The following AFG1L variants were observed in gnomAD, a reference collection of about 807,000 sequenced individuals.
AFG1L encodes AFG1 like ATPase.
A neutral mutation model predicts 62.2 loss-of-function variants in AFG1L; 53 were observed. The ratio of observed to expected loss-of-function variants is 0.85; its 90% CI spans 0.68 to 1.07. The LOEUF (loss-of-function observed/expected upper bound fraction) is 1.07. Among genes scored for constraint, AFG1L ranks in the 50% least tolerant of loss-of-function variants. The pLI, the probability that AFG1L is intolerant of heterozygous loss-of-function variation, is 0.00. For missense variants in AFG1L, 555 were observed against 590.5 expected, an observed-to-expected ratio of 0.94 and a Z score of 0.62; for synonymous variants, 228 against 210.3, an observed-to-expected ratio of 1.08 and a Z score of -0.73.
chr6:108,515,304 A>C (rs1306580605), intron 11 of AFG1L, among the ~76,000 whole-genome samples: 1 of 152,246 alleles, frequency 6.6e-6, no homozygotes, highest in Non-Finnish European at 1.5e-5. Flanking sequence ...ACTGTCTCTC[A>C]GACCACAGTG....
chr6:108,414,670 C>A (rs563129942), intron 7 of AFG1L, among the ~76,000 whole-genome samples: 1 of 152,260 alleles, frequency 6.6e-6, no homozygotes, highest in South Asian at 2.1e-4. Context: ...AAGACAAAAA[C>A]CACATGATTA....
chr6:108,519,101 C>T (rs754266891), intron 11 of AFG1L, among the ~76,000 whole-genome samples: 12 of 152,100 alleles, frequency 7.9e-5, no homozygotes, highest in Non-Finnish European at 8.8e-5. Context: ...ATCAAGGAGC[C>T]AGCAGGTTTG....
chr6:108,506,443 A>C (rs984200180), intron 10 of AFG1L, among the ~76,000 whole-genome samples: 3 of 152,106 alleles, frequency 2.0e-5, no homozygotes, highest in Admixed American at 6.5e-5. Flanking sequence ...TCCTGAGCTC[A>C]AGTGATCCAC....
chr6:108,436,165 A>G (rs895192006), intron 7 of AFG1L, among the ~76,000 whole-genome samples: 3 of 151,918 alleles, frequency 2.0e-5, no homozygotes, highest in African/African-American at 7.2e-5. Context: ...GTTTTTTTTT[A>G]GACAGAGTCT....
chr6:108,349,077 CTTTG>C (rs1365733046), intron 3 of AFG1L, among the ~76,000 whole-genome samples: 2 of 152,106 alleles, frequency 1.3e-5, no homozygotes, highest in Non-Finnish European at 2.9e-5. Context: ...AGGTGGCAAC[CTTTG>C]TTTGGAAACA....
At chr6:108,423,486 A>G (rs953027076) in intron 7 of AFG1L, among the ~76,000 whole-genome samples, 6 of 152,086 alleles carry the variant, frequency 3.9e-5, no homozygotes, top group African/African-American at 1.4e-4. Context: ...TAGGGCTTCA[A>G]GATATCTAAG....
chr6:108,514,840 T>A (rs1232510571), intron 11 of AFG1L, among the ~76,000 whole-genome samples: 1 of 151,996 alleles, frequency 6.6e-6, no homozygotes, highest in Non-Finnish European at 1.5e-5. Context: ...AAGGCAGGGG[T>A]TGCAATCCTA....
At position 108,476,921 on chromosome 6, in the gene AFG1L, A is replaced by G. The variant is rs775216608; in HGVS notation, c.947A>G (p.Gln316Arg). The change falls in exon 9 of 13, where the codon CAG (glutamine) becomes CGG (arginine). Residue 316 changes from glutamine to arginine, a missense_variant. By Grantham distance (43) the Gln-to-Arg change is conservative (BLOSUM62 1). Coordinates refer to ENST00000368977, the MANE Select transcript of AFG1L (RefSeq NM_145315.5). ...VMDKLFDELA[Q>R]KQNDLTRPRI... ...GATAAGTTGTTTGATGAGCTGGCTC[A>G]GAAACAAAATGATTGTACGTAAGTT... is the stretch of plus-strand genomic sequence containing the variant. 5.6e-6 allele frequency: 9 copies of G among 1,613,682 alleles called. 1 individual carries two copies. Among genetic ancestry groups the G allele is most frequent in the Middle Eastern group, 1.6e-4 (1 of 6,082 alleles).
intron 7 of AFG1L, among the ~76,000 whole-genome samples, chr6:108,430,565 C>T (rs151235644): frequency 9.2e-5 from 14 of 152,260 alleles, no homozygotes; most frequent in African/African-American, 3.1e-4. Flanking sequence ...TAACTCTAGA[C>T]AGATAGAGAT....
rs137861984 is a variant in AFG1L at position 108,318,651 on chromosome 6, G to A, written c.140-5174G>A. On this transcript the variant is annotated intron_variant, in intron 1 of 12. Coordinates refer to ENST00000368977, the MANE Select transcript of AFG1L (RefSeq NM_145315.5). ...TTTAGAAAGTGGGCTGTGGAGTATA[G>A]TAGGATCTTCCTGAAACTTAGTTTA... Among the ~76,000 whole-genome samples, 478 of 152,334 alleles carry A rather than the reference G, an allele frequency of 3.1e-3. 1 individual carries two copies. The highest frequency in any genetic ancestry group is 0.011 in the African/African-American group (470 of 41,580).
chr6:108,474,500 A>G (rs1480306435), intron 8 of AFG1L, among the ~76,000 whole-genome samples: 1 of 152,220 alleles, frequency 6.6e-6, no homozygotes, highest in Non-Finnish European at 1.5e-5. Context: ...CATTCCCACC[A>G]ACAATGTAAA....
rs892567187 is a variant in AFG1L, at chr6:108,523,256, A to G, written c.*831A>G. 1 of 152,280 alleles carries G rather than the reference A, an allele frequency of 6.6e-6. No individual in the cohort carries two copies. Among genetic ancestry groups the G allele is most frequent in the Non-Finnish European group, 1.5e-5 (1 of 68,120 alleles). 9.4% of individuals were successfully genotyped at this position (152,280 alleles called of 1,614,324 possible). A position where few individuals can be genotyped will look rare whatever the true frequency, so the allele number is the denominator to read the frequency against. On this transcript the variant is annotated 3_prime_UTR_variant, in exon 13 of 13. Coordinates refer to ENST00000368977, the MANE Select transcript of AFG1L (RefSeq NM_145315.5). ...CATGAGGCCAGCCGTACCCCAGTGG[A>G]CAGCAGGCTCCTTCTCACTGTTGTA...
intron 2 of AFG1L, among the ~76,000 whole-genome samples, chr6:108,327,963 T>C (rs1778119950): frequency 6.6e-6 from 1 of 152,334 alleles, no homozygotes; most frequent in Non-Finnish European, 1.5e-5. Context: ...TGGCAGTTGC[T>C]CTCAGAAGTG....
At chr6:108,326,643 A>G (rs1778055122) in intron 2 of AFG1L, among the ~76,000 whole-genome samples, 1 of 152,148 alleles carries the variant, frequency 6.6e-6, no homozygotes, top group Non-Finnish European at 1.5e-5. Context: ...CCATAGAACA[A>G]CCATTAGTAG....
intron 1 of AFG1L, among the ~76,000 whole-genome samples, chr6:108,309,090 T>C (rs1275448692): frequency 6.6e-6 from 1 of 152,214 alleles, no homozygotes; most frequent in African/African-American, 2.4e-5. Context: ...TACCTCAAGG[T>C]CACGAAGGTA....
chr6:108,424,353 G>A (rs1037317187), intron 7 of AFG1L, among the ~76,000 whole-genome samples: 3 of 151,956 alleles, frequency 2.0e-5, no homozygotes, highest in African/African-American at 7.2e-5. Context: ...CTCAAATAGT[G>A]TTCTAAATAT....
rs377515957 is a variant in AFG1L at position 108,362,262 on chromosome 6, G to A, written c.649-3971G>A. ...TCTTGTTTTAATTTGTATTCCTTTAGGAAATAATATGGTTGATTTTTTTTC... is the reference window on the plus strand; with the variant it reads ...TCTTGTTTTAATTTGTATTCCTTTAAGAAATAATATGGTTGATTTTTTTTC... On this transcript the variant is annotated intron_variant, in intron 5 of 12. Coordinates refer to ENST00000368977, the MANE Select transcript of AFG1L (RefSeq NM_145315.5). 5.9e-5 allele frequency among the ~76,000 whole-genome samples: 9 copies of A among 152,014 alleles called. No individual in the cohort carries two copies. The East Asian group carries it at 1.7e-3, about 29-fold the overall frequency.
intron 7 of AFG1L, among the ~76,000 whole-genome samples, chr6:108,439,207 G>T (rs915531557): frequency 1.3e-5 from 2 of 152,154 alleles, no homozygotes; most frequent in African/African-American, 2.4e-5. Flanking sequence ...ATCGAGAGAA[G>T]AAAATGATAA....
At chr6:108,373,071 C>T (rs1537860) in intron 6 of AFG1L, 104,306 of 151,914 alleles carry the variant, frequency 0.69, 39,366 homozygotes, top group Non-Finnish European at 0.86. Flanking sequence ...AGGGGGTACA[C>T]GTGCAGGTTT....
Sources: gnomAD v4.1 joint callset for allele counts (sites outside exome capture counted in the v4.1 genomes callset) on GRCh38, gnomAD v4.1.1 for gene constraint, MANE v1.5 for transcripts, NCBI Gene and HGNC (gene_info 2026-07-23, HGNC 2026-07-21) for gene names.